AGT: variants seen among roughly 807,000 people sequenced by gnomAD.
The protein encoded by AGT is angiotensinogen, also known as alpha-1 antiproteinase, antitrypsin.
Under a neutral mutation model 28.1 loss-of-function variants are expected in AGT, and 26 were observed. The observed-to-expected ratio is 0.92, with a 90% CI of 0.68 to 1.28. The LOEUF (loss-of-function observed/expected upper bound fraction) is 1.28. Among genes scored for constraint, AGT ranks in the 50% most tolerant of loss-of-function variants. The pLI is 0.00. For missense variants in AGT, 596 were observed against 592.3 expected, an observed-to-expected ratio of 1.01 and a Z score of -0.06; for synonymous variants, 259 against 259.6, an observed-to-expected ratio of 1.00 and a Z score of 0.02.
At chr1:230,730,015 G>C (rs1049337308) in intron 1 of AGT, among the ~76,000 whole-genome samples, 1 of 151,910 alleles carries the variant, frequency 6.6e-6, no homozygotes, top group Admixed American at 6.6e-5. Flanking sequence ...CAAAAGATTA[G>C]CCAGGCGTGG....
At chr1:230,707,760 G>T (rs746765464) in intron 2 of AGT, among the ~76,000 whole-genome samples, 1 of 152,230 alleles carries the variant, frequency 6.6e-6, no homozygotes, top group Non-Finnish European at 1.5e-5. Context: ...CCCAAAAGAC[G>T]CTGGGATTTG....
intron 1 of AGT, among the ~76,000 whole-genome samples, chr1:230,726,801 C>G (rs909508068): frequency 6.6e-6 from 1 of 152,142 alleles, no homozygotes; most frequent in African/African-American, 2.4e-5. Flanking sequence ...ATTCTTCCTC[C>G]TGTCTGCAGA....
chr1:230,721,657 C>T (rs1265398296), intron 1 of AGT, among the ~76,000 whole-genome samples: 1 of 152,130 alleles, frequency 6.6e-6, no homozygotes, highest in Non-Finnish European at 1.5e-5. Flanking sequence ...CAATGAAGTT[C>T]AGTCTGAAGT....
At chr1:230,712,115 G>A (rs975856224) in intron 1 of AGT, among the ~76,000 whole-genome samples, 1 of 152,176 alleles carries the variant, frequency 6.6e-6, no homozygotes, top group Non-Finnish European at 1.5e-5. Flanking sequence ...GTGGAGGGGG[G>A]TGTACTGCAA....
chr1:230,724,817 C>T (rs1449767233), intron 1 of AGT, among the ~76,000 whole-genome samples: 2 of 152,122 alleles, frequency 1.3e-5, no homozygotes, highest in Non-Finnish European at 2.9e-5. Context: ...CAGAGTAAGA[C>T]ATTGTCACAA....
chr1:230,725,121 A>G (rs1449190178), intron 1 of AGT, among the ~76,000 whole-genome samples: 1 of 152,254 alleles, frequency 6.6e-6, no homozygotes, highest in Non-Finnish European at 1.5e-5. Context: ...AGAAAAATAA[A>G]AATGATTTAA....
chr1:230,703,462 G>T, intron 4 of AGT, 133 bp from the exon 5 acceptor site: 1 of 926,328 alleles, frequency 1.1e-6, no homozygotes. Flanking sequence ...TTTCCAGCCT[G>T]CCAGGAGGAT....
chr1:230,736,538 G>A (rs943531670), intron 1 of AGT, among the ~76,000 whole-genome samples: 5 of 151,988 alleles, frequency 3.3e-5, no homozygotes, highest in Non-Finnish European at 5.9e-5. Context: ...GAATTATTTC[G>A]AACACTTTTG....
At position 230,725,703 on chromosome 1, in the gene AGT, G is replaced by A. The variant is rs150719206; in HGVS notation, c.-30-14850C>T. ...TTATTTAATGTTCAGTTCTTCTACA[G>A]AAAACATTGCAAAGAAATTTGGAAA... On this transcript the variant is annotated intron_variant, in intron 1 of 4. Transcript: ENST00000681269. Among the ~76,000 whole-genome samples, 27 of 152,218 alleles carry A rather than the reference G, an allele frequency of 1.8e-4. 1 individual carries two copies. The East Asian group carries it at 5.0e-3, about 28-fold the overall frequency.
intron 1 of AGT, among the ~76,000 whole-genome samples, chr1:230,735,438 T>A (rs1664139205): frequency 6.6e-6 from 1 of 152,342 alleles, no homozygotes; most frequent in East Asian, 1.9e-4. Context: ...ATTTTTATTT[T>A]AAAATTACAA....
intron 1 of AGT, among the ~76,000 whole-genome samples, chr1:230,721,418 CTA>C (rs1663841617): frequency 6.6e-6 from 1 of 152,216 alleles, no homozygotes; most frequent in African/African-American, 2.4e-5. Context: ...TATCTCTGCA[CTA>C]TTGTGTGAGT....
intron 3 of AGT, among the ~76,000 whole-genome samples, chr1:230,704,804 A>C (rs528590745): frequency 2.0e-5 from 3 of 152,302 alleles, no homozygotes; most frequent in Non-Finnish European, 4.4e-5. Flanking sequence ...CTTCGTATAG[A>C]GCCTCTTCCA....
At chr1:230,715,036 G>T (rs1663701316), upstream of AGT, among the ~76,000 whole-genome samples, 1 of 152,068 alleles carries the variant, frequency 6.6e-6, no homozygotes, top group Admixed American at 6.5e-5. Context: ...GGGACAGGAA[G>T]GAAGATCCTG....
chr1:230,707,935 C>T (rs1233861802), intron 2 of AGT, among the ~76,000 whole-genome samples: 2 of 152,162 alleles, frequency 1.3e-5, no homozygotes, highest in African/African-American at 2.4e-5. Flanking sequence ...ACTGGGCAGA[C>T]GGTACCCTGG....
chr1:230,742,523 G>C (rs113305434), intron 1 of AGT, among the ~76,000 whole-genome samples: 11,323 of 152,172 alleles, frequency 0.074, 616 homozygotes, highest in East Asian at 0.14. Flanking sequence ...CACTATGTTG[G>C]CAAGGCTGGT....
In AGT at chr1:230,706,193, C is replaced by T; in HGVS notation, c.837G>A (p.Met279Ile). ...GCTCGGCCAGCAGGGAGAAGCCCTT[C>T]ATCTTCCCTGAAATCCAGACAGGAG... ...FNTYVHFQGKMKGFSLLAEPQ... is the reference protein window; with the variant it reads ...FNTYVHFQGKIKGFSLLAEPQ... Residue 279 changes from methionine (M) to isoleucine (I), a missense_variant, in exon 3 of 5, where the codon ATG (methionine) becomes ATA (isoleucine). Physicochemically the swap from Met to Ile is conservative, Grantham distance 10 (BLOSUM62 1). Transcript: ENST00000366667. 6.2e-7 allele frequency: 1 copy of T among 1,613,404 alleles called. No individual in the cohort carries two copies. The highest frequency in any genetic ancestry group is 8.5e-7 in the Non-Finnish European group (1 of 1,179,570).
intron 1 of AGT, among the ~76,000 whole-genome samples, chr1:230,711,094 G>A (rs1473896342): frequency 6.6e-6 from 1 of 152,204 alleles, no homozygotes; most frequent in Non-Finnish European, 1.5e-5. Flanking sequence ...CGGCCATAAT[G>A]CCCGTGTTGA....
intron 1 of AGT, among the ~76,000 whole-genome samples, chr1:230,725,529 T>A (rs1193424052): frequency 6.6e-6 from 1 of 152,122 alleles, no homozygotes; most frequent in Admixed American, 6.6e-5. Context: ...TGCTCACCAT[T>A]TAATAAGTTT....
upstream of AGT, among the ~76,000 whole-genome samples, chr1:230,716,205 T>A (rs61762548): frequency 6.6e-6 from 1 of 152,144 alleles, no homozygotes; most frequent in Non-Finnish European, 1.5e-5. Context: ...ATCAGAAAAT[T>A]GCTAGAGAAT....
Sources: allele counts gnomAD v4.1 joint callset (sites outside exome capture counted in the v4.1 genomes callset), GRCh38; gene constraint gnomAD v4.1.1; transcripts MANE v1.5; gene names NCBI Gene and HGNC (gene_info 2026-07-23, HGNC 2026-07-21).